Variants in TMEM108 observed in about 807,000 individuals in gnomAD.
The protein encoded by TMEM108 is transmembrane protein 108.
Under a neutral mutation model 35.1 loss-of-function variants are expected in TMEM108, and 12 were observed. That is an observed-to-expected ratio of 0.34 (90% CI 0.22 to 0.55). The LOEUF (loss-of-function observed/expected upper bound fraction) is 0.55, where lower values mean the gene tolerates loss of function less well. Among genes scored for constraint, TMEM108 ranks in the 20% least tolerant of loss-of-function variants. TMEM108 has a pLI of 0.89. For synonymous variants in TMEM108, 287 were observed against 308.6 expected (o/e 0.93, Z 0.73); for missense variants, 680 against 753.3 (o/e 0.90, Z 1.14).
chr3:133,132,263 A>G (rs1043727854), intron 2 of TMEM108, among the ~76,000 whole-genome samples: 19 of 152,246 alleles, frequency 1.2e-4, no homozygotes, highest in African/African-American at 4.6e-4. Flanking sequence ...TAGGACTTTC[A>G]TAGCTAGAGA....
At chr3:133,057,014 C>T (rs923622473) in intron 2 of TMEM108, among the ~76,000 whole-genome samples, 6 of 152,134 alleles carry the variant, frequency 3.9e-5, no homozygotes, top group South Asian at 2.1e-4. Flanking sequence ...GACAAGCCCT[C>T]GGAGTTTATT....
At chr3:133,196,677 A>G (rs1474411082) in intron 2 of TMEM108, among the ~76,000 whole-genome samples, 3 of 152,354 alleles carry the variant, frequency 2.0e-5, no homozygotes, top group Non-Finnish European at 2.9e-5. Flanking sequence ...ACATTTATCC[A>G]TCTCAAGTAA....
intron 3 of TMEM108, among the ~76,000 whole-genome samples, chr3:133,278,064 A>G (rs1260764674): frequency 6.6e-6 from 1 of 152,214 alleles, no homozygotes; most frequent in Non-Finnish European, 1.5e-5. Flanking sequence ...GCTTTTGAAA[A>G]TCTTTTCTTC....
chr3:133,191,642 ATCT>A (rs1945499559), intron 2 of TMEM108, among the ~76,000 whole-genome samples: 1 of 152,180 alleles, frequency 6.6e-6, no homozygotes, highest in African/African-American at 2.4e-5. Context: ...TCTCTCGTCA[ATCT>A]TGCACTGGCC....
At chr3:133,363,192 G>A (rs1264563248) in intron 3 of TMEM108, among the ~76,000 whole-genome samples, 4 of 152,018 alleles carry the variant, frequency 2.6e-5, no homozygotes, top group African/African-American at 9.7e-5. Context: ...ACTCCCTTAG[G>A]GAAGTACCTC....
chr3:133,121,827 A>G (rs1452139798), intron 2 of TMEM108, among the ~76,000 whole-genome samples: 3 of 152,172 alleles, frequency 2.0e-5, no homozygotes, highest in Admixed American at 2.0e-4. Flanking sequence ...TAGGAGGACT[A>G]TTTGGGAAGC....
chr3:133,387,312 C>T, intron 4 of TMEM108: 3 of 985,414 alleles, frequency 3.0e-6, no homozygotes, highest in Non-Finnish European at 3.6e-6. Flanking sequence ...GGCAGAGTCA[C>T]AATTTGAACC....
intron 1 of TMEM108, among the ~76,000 whole-genome samples, chr3:133,042,457 C>T (rs893734979): frequency 3.9e-5 from 6 of 152,164 alleles, no homozygotes; most frequent in Non-Finnish European, 7.3e-5. Flanking sequence ...CTGAACCTTA[C>T]TTTTATCACC....
At chr3:133,106,109 T>TG (rs1249695567) in intron 2 of TMEM108, among the ~76,000 whole-genome samples, 2 of 148,030 alleles carry the variant, frequency 1.4e-5, no homozygotes, top group African/African-American at 2.5e-5. Flanking sequence ...GGGAAGACTG[T>TG]GGGGAATATG....
chr3:133,207,468 A>C (rs1945774587), intron 2 of TMEM108, among the ~76,000 whole-genome samples: 1 of 152,026 alleles, frequency 6.6e-6, no homozygotes, highest in Non-Finnish European at 1.5e-5. Context: ...ATTTGAGCTG[A>C]TTTGTCAGGC....
At chr3:133,390,447 A>G in intron 5 of TMEM108, 113 bp downstream of exon 5, 3 of 1,201,734 alleles carry the variant, frequency 2.5e-6, no homozygotes, top group African/African-American at 3.0e-5. Flanking sequence ...CCCATGGACC[A>G]GCAGTATCAA....
At chr3:133,209,184 GAC>G (rs919330208) in intron 2 of TMEM108, among the ~76,000 whole-genome samples, 5 of 150,664 alleles carry the variant, frequency 3.3e-5, no homozygotes, top group Non-Finnish European at 7.4e-5. Context: ...TCTGACTATA[GAC>G]ACAGGCCACC....
At chr3:133,065,284 CCACA>C (rs57783382) in intron 2 of TMEM108, among the ~76,000 whole-genome samples, 13 of 149,850 alleles carry the variant, frequency 8.7e-5, no homozygotes, top group East Asian at 3.9e-4. Flanking sequence ...ACATAGGTAG[CCACA>C]CACACACACA....
At chr3:133,224,440 G>A (rs1234539388) in intron 2 of TMEM108, among the ~76,000 whole-genome samples, 1 of 152,148 alleles carries the variant, frequency 6.6e-6, no homozygotes, top group Non-Finnish European at 1.5e-5. Context: ...ATACAGTTTG[G>A]CTGTGTTCCC....
At position 133,388,628 on chromosome 3, in the gene TMEM108, C is replaced by A. The variant is rs538968430; in HGVS notation, c.1451-1552C>A. ...AAAAAGGATCTAGAAGACTGAAAAGCAAATTAGAAGTCTTTTTGATCAAAG... is the reference window on the plus strand; with the variant it reads ...AAAAAGGATCTAGAAGACTGAAAAGAAAATTAGAAGTCTTTTTGATCAAAG... On this transcript the variant is annotated intron_variant, in intron 4 of 5. Coordinates refer to ENST00000321871, the MANE Select transcript of TMEM108 (RefSeq NM_023943.4). The A allele has an allele frequency of 5.1e-6, 5 of 985,368 alleles. No homozygotes were observed. In the South Asian group the frequency reaches 1.9e-4, roughly 37 times the overall value. The allele number at this position is 985,368 out of a possible 1,614,324, so 61.0% of individuals were successfully genotyped here.
At chr3:133,316,817 G>A (rs534233845) in intron 3 of TMEM108, among the ~76,000 whole-genome samples, 23 of 152,330 alleles carry the variant, frequency 1.5e-4, no homozygotes, top group African/African-American at 5.5e-4. Flanking sequence ...GTGAGCTGAA[G>A]AACAGGGCCT....
At chr3:133,381,597 A>G (rs2107844016) in intron 4 of TMEM108, among the ~76,000 whole-genome samples, 1 of 152,292 alleles carries the variant, frequency 6.6e-6, no homozygotes, top group East Asian at 1.9e-4. Flanking sequence ...GCAACCTGGC[A>G]CCAAGACACC....
Position 133,380,269 on chromosome 3 carries a change from ACCTGGTGGCCACTCCAGGAGT to A in TMEM108, c.559_579del (p.Pro187_Ser193del). On this transcript the variant is annotated inframe_deletion, in exon 4 of 6. Transcript: ENST00000321871. The surrounding 1 kb of genome is among the most constrained non-coding windows in gnomAD (Gnocchi z 5.3). ...ATTCATCACGCCCTGTCCCGCCTGC[ACCTGGTGGCCACTCCAGGAGT>A]AAAGAAGGACAGCGAGGACGAAATC... 1 of 1,613,882 alleles carries A rather than the reference ACCTGGTGGCCACTCCAGGAGT, an allele frequency of 6.2e-7. No homozygotes were observed. The highest frequency in any genetic ancestry group is 8.5e-7 in the Non-Finnish European group (1 of 1,179,956).
At chr3:133,350,713 C>T (rs1021400692) in intron 3 of TMEM108, among the ~76,000 whole-genome samples, 18 of 152,176 alleles carry the variant, frequency 1.2e-4, no homozygotes, top group African/African-American at 3.9e-4. Context: ...CCTTAAGATT[C>T]GGCAGTAATT....
Sources: allele counts gnomAD v4.1 joint callset (sites outside exome capture counted in the v4.1 genomes callset), GRCh38; gene constraint gnomAD v4.1.1; non-coding constraint Gnocchi (gnomAD v3.1); transcripts MANE v1.5; gene names NCBI Gene and HGNC (gene_info 2026-07-23, HGNC 2026-07-21).